Variants in UPF3A observed in about 807,000 individuals in gnomAD.
UPF3A encodes UPF3A regulator of nonsense mediated mRNA decay.
In UPF3A, 42 loss-of-function variants were observed where a neutral mutation model predicts 53.5. The ratio of observed to expected loss-of-function variants is 0.78; its 90% confidence interval spans 0.61 to 1.01. UPF3A has a LOEUF of 1.01. UPF3A is among the 50% of genes least tolerant of loss of function. The probability of loss-of-function intolerance (pLI) is 0.00; values close to 1 mark genes in which losing one functional copy is unlikely to be tolerated. For missense variants in UPF3A, 575 were observed against 598.0 expected (o/e 0.96, Z 0.40); for synonymous variants, 237 against 225.3 (o/e 1.05, Z -0.47).
intron 5 of UPF3A, among the ~76,000 whole-genome samples, chr13:114,290,484 C>G (rs1263344331): frequency 1.3e-5 from 2 of 152,164 alleles, no homozygotes; most frequent in Non-Finnish European, 2.9e-5. Flanking sequence ...CCGTCTTCCC[C>G]CTTCCCATTT....
rs745864012 is a variant in UPF3A at position 114,301,994 on chromosome 13, C to T, written c.1271C>T (p.Pro424Leu). 7 of 1,543,524 alleles carry T rather than the reference C, an allele frequency of 4.5e-6. No individual in the cohort carries two copies. In the South Asian group the frequency reaches 8.6e-5, roughly 19 times the overall value. The change falls in exon 9 of 10, where the codon CCA becomes CTA. Residue 424 changes from proline (P) to leucine (L), a missense_variant. Physicochemically the swap from Pro to Leu is moderately conservative, Grantham distance 98 (BLOSUM62 -3). Around this residue, in one of 2 missense-constraint regions of UPF3A, gnomAD observed 323 missense variants for 415.2 expected, o/e 0.78. Transcript: ENST00000375299. Reference sequence around the variant, plus strand: ...AGAGCGCAGAGGTGTGACGACAGTCCAGCACCCAGAAAAGAGCGACTGGCA... The same window carrying T: ...AGAGCGCAGAGGTGTGACGACAGTCTAGCACCCAGAAAAGAGCGACTGGCA... ...LGRAQRCDDS[P>L]APRKERLANK...
At chr13:114,284,685 TGAGA>T (rs2084489096) in intron 3 of UPF3A, among the ~76,000 whole-genome samples, 1 of 151,116 alleles carries the variant, frequency 6.6e-6, no homozygotes, top group Non-Finnish European at 1.5e-5. Flanking sequence ...GGTGACAGAG[TGAGA>T]CTCTGTCTCA....
rs923597090 is a variant in UPF3A, at chr13:114,296,200, T to C, written c.847-2640T>C. 2.6e-5 allele frequency among the ~76,000 whole-genome samples: 4 copies of C among 152,150 alleles called. No individual in the cohort carries two copies. In the East Asian group the frequency reaches 7.7e-4, roughly 29 times the overall value. On this transcript the variant is annotated intron_variant, in intron 7 of 9. Transcript: ENST00000375299. ...GAGTTTGAGACCAGCCTGGCTAATA[T>C]GGTGAAACCCCGTCTCTACTAAAAA...
At chr13:114,302,073 C>T (rs765334540) in intron 9 of UPF3A, 48 bp downstream of exon 9, 2 of 1,465,934 alleles carry the variant, frequency 1.4e-6, no homozygotes, top group Non-Finnish European at 1.8e-6. Context: ...GTCTTAAGGT[C>T]CAGGCTGCAT....
chr13:114,284,133 G>A, intron 3 of UPF3A: 4 of 938,892 alleles, frequency 4.3e-6, no homozygotes, highest in Non-Finnish European at 5.1e-6. Context: ...GGAGGCCAAG[G>A]CGGGTGGATC....
At chr13:114,293,867 AT>A (rs985791056) in intron 7 of UPF3A, among the ~76,000 whole-genome samples, 2 of 152,078 alleles carry the variant, frequency 1.3e-5, no homozygotes, top group African/African-American at 4.8e-5. Flanking sequence ...CATTCCTATA[AT>A]CTCAGGACTT....
intron 6 of UPF3A, 43 bp from the exon 7 acceptor site, chr13:114,291,591 T>C: frequency 6.2e-7 from 1 of 1,604,190 alleles, no homozygotes; most frequent in Non-Finnish European, 8.5e-7. Flanking sequence ...CTTCTGCCAT[T>C]CTCATCCAGG....
At position 114,299,067 on chromosome 13, in the gene UPF3A, T is replaced by C. The variant is rs2701318; in HGVS notation, c.1007+67T>C. On this transcript the variant is annotated intron_variant, in intron 8 of 9. Transcript: ENST00000375299. ...CATGGTGACGTAGGCTTTGTCAGTA[T>C]GAGTATGCCTATTTCACACTGTTCT... 0.49 allele frequency: 714,166 copies of C among 1,452,234 alleles called. 182,566 individuals carry two copies. Among genetic ancestry groups the C allele is most frequent in the African/African-American group, 0.84 (59,043 of 69,890 alleles). 90.0% of individuals were successfully genotyped at this position (1,452,234 alleles called of 1,614,324 possible). A position where few individuals can be genotyped will look rare whatever the true frequency, so the allele number is the denominator to read the frequency against.
chr13:114,304,409 G>T (rs190464492), intron 9 of UPF3A, among the ~76,000 whole-genome samples: 16 of 152,326 alleles, frequency 1.1e-4, no homozygotes, highest in Admixed American at 4.6e-4. Context: ...GCTAGGCAGG[G>T]ATAAGCCCCA....
chr13:114,286,127 T>C, intron 3 of UPF3A, 175 bp from the exon 4 acceptor site: 2 of 822,206 alleles, frequency 2.4e-6, no homozygotes, highest in South Asian at 4.8e-5. Context: ...GTAATAAAAT[T>C]GTAGGTTTTT....
In UPF3A at chr13:114,298,758, G is replaced by T. The variant is rs991371174; in HGVS notation, c.847-82G>T. On this transcript the variant is annotated intron_variant, in intron 7 of 9. Coordinates refer to ENST00000375299, the MANE Select transcript of UPF3A (RefSeq NM_023011.4). ...GCAAACATTTGGCTTCAATATTGGGGTATATTTGTAATTATTTATTTAACA... is the reference window on the plus strand; with the variant it reads ...GCAAACATTTGGCTTCAATATTGGGTTATATTTGTAATTATTTATTTAACA... The T allele has an allele frequency of 3.8e-6, 5 of 1,302,094 alleles. No individual in the cohort carries two copies. In the South Asian group the frequency reaches 6.0e-5, roughly 16 times the overall value. The allele number at this position is 1,302,094 out of a possible 1,614,324, so 80.7% of individuals were successfully genotyped here.
At chr13:114,297,923 G>A (rs1160952928) in intron 7 of UPF3A, among the ~76,000 whole-genome samples, 6 of 152,144 alleles carry the variant, frequency 3.9e-5, no homozygotes, top group East Asian at 1.9e-4. Context: ...CAGTAGAGTC[G>A]CTTGAACCCA....
At chr13:114,295,090 C>T (rs1373756355) in intron 7 of UPF3A, among the ~76,000 whole-genome samples, 44 of 142,774 alleles carry the variant, frequency 3.1e-4, no homozygotes, top group Middle Eastern at 3.6e-3. Context: ...CCAGCCTGGG[C>T]GACAGAGCAA....
chr13:114,290,763 C>T (rs1356458220), intron 5 of UPF3A, among the ~76,000 whole-genome samples: 4 of 130,108 alleles, frequency 3.1e-5, no homozygotes, highest in Non-Finnish European at 6.3e-5. Flanking sequence ...GGCAGAGTTT[C>T]GCTGTTGTTG....
intron 9 of UPF3A, among the ~76,000 whole-genome samples, chr13:114,304,149 T>C (rs1344427936): frequency 6.6e-6 from 1 of 152,212 alleles, no homozygotes; most frequent in Non-Finnish European, 1.5e-5. Context: ...GCCGCCTTCC[T>C]CCTCTGCCAC....
intron 7 of UPF3A, among the ~76,000 whole-genome samples, chr13:114,298,497 G>A (rs1207317677): frequency 6.6e-6 from 1 of 151,998 alleles, no homozygotes; most frequent in Non-Finnish European, 1.5e-5. Context: ...CCGGGAGTGC[G>A]CCACGGCACT....
chr13:114,302,543 A>G (rs1291135407), intron 9 of UPF3A, among the ~76,000 whole-genome samples: 1 of 151,956 alleles, frequency 6.6e-6, no homozygotes, highest in Non-Finnish European at 1.5e-5. Flanking sequence ...AGATGGCATC[A>G]CCTTTCTGAC....
At chr13:114,284,732 C>G (rs2084498849) in intron 3 of UPF3A, among the ~76,000 whole-genome samples, 1 of 151,996 alleles carries the variant, frequency 6.6e-6, no homozygotes, top group Admixed American at 6.6e-5. Flanking sequence ...TTATACCATA[C>G]TGTTTTCCAC....
intron 9 of UPF3A, among the ~76,000 whole-genome samples, chr13:114,303,082 A>C (rs567007152): frequency 3.3e-5 from 5 of 152,202 alleles, no homozygotes; most frequent in Non-Finnish European, 7.3e-5. Flanking sequence ...CCTAGGCAAG[A>C]AAAGCAAAAT....
Sources: gnomAD v4.1 joint callset for allele counts (sites outside exome capture counted in the v4.1 genomes callset) on GRCh38, gnomAD v4.1.1 for gene constraint, gnomAD v4.1.1 regional missense constraint, MANE v1.5 for transcripts, NCBI Gene and HGNC (gene_info 2026-07-23, HGNC 2026-07-21) for gene names.